UQCRB: variants seen among roughly 807,000 people sequenced by gnomAD.
The protein encoded by UQCRB is cytochrome b-c1 complex subunit 7.
A neutral mutation model predicts 19.8 loss-of-function variants in UQCRB; 12 were observed. The ratio of observed to expected loss-of-function variants is 0.61; its 90% CI spans 0.39 to 0.98. The LOEUF (loss-of-function observed/expected upper bound fraction) is 0.98. Ranked by LOEUF, UQCRB falls within the 50% of genes least tolerant of loss-of-function variation. UQCRB has a pLI of 0.00. For synonymous variants in UQCRB, 39 were observed against 42.9 expected, an observed-to-expected ratio of 0.91 and a Z score of 0.35; for missense variants, 142 against 131.8, an observed-to-expected ratio of 1.08 and a Z score of -0.38.
Position 96,225,067 on chromosome 8 carries a change from T to C in UQCRB, c.*5988A>G, listed in dbSNP as rs1809504263. Among the ~76,000 whole-genome samples the C allele has an allele frequency of 6.6e-6, 1 of 151,884 alleles. No individual in the cohort carries two copies. The highest frequency in any genetic ancestry group is 1.5e-5 in the Non-Finnish European group (1 of 67,972). On this transcript the variant is annotated 3_prime_UTR_variant, in exon 4 of 4. Coordinates refer to ENST00000287022, the MANE Select transcript of UQCRB (RefSeq NM_006294.5). ...CATATAAAGGTCTCATACAAATAGATAAGAACTGACCCAGGTTTGGGAAGG... is the reference window on the plus strand; with the variant it reads ...CATATAAAGGTCTCATACAAATAGACAAGAACTGACCCAGGTTTGGGAAGG...
chr8:96,228,419 T>C lies in UQCRB; in HGVS notation c.*2636A>G, dbSNP rs904099539. ...TCATGCAGATCCAGTTCCACTCTTC[T>C]CATCTCCAGCAGGTACTTCACTCAA... On this transcript the variant is annotated 3_prime_UTR_variant, in exon 4 of 4. Transcript: ENST00000287022. 3.7e-5 allele frequency: 17 copies of C among 453,932 alleles called. No homozygotes were observed. The highest frequency in any genetic ancestry group is 6.8e-4 in the Middle Eastern group (1 of 1,464). 28.1% of individuals were successfully genotyped at this position (453,932 alleles called of 1,614,324 possible).
Position 96,233,237 on chromosome 8 carries a change from G to C in UQCRB, c.20-10C>G. ...TTGCCTGATGCTGAAACTGATAATT[G>C]TCACACTGTTAATTGCTACAATTTA... On this transcript the variant is annotated splice_polypyrimidine_tract_variant and intron_variant, in intron 1 of 3. Transcript: ENST00000287022. 6.2e-7 allele frequency: 1 copy of C among 1,613,170 alleles called. No homozygotes were observed. Among genetic ancestry groups the C allele is most frequent in the Non-Finnish European group, 8.5e-7 (1 of 1,179,612 alleles).
chr8:96,225,392 A>T lies in UQCRB; in HGVS notation c.*5663T>A, dbSNP rs1809509818. ...AATTATTATAAACTTTTGAAAAGCA[A>T]ATTGGAAGTCCAGTATTGAAAAACT... On this transcript the variant is annotated 3_prime_UTR_variant, in exon 4 of 4. Transcript: ENST00000287022. 2.6e-5 allele frequency among the ~76,000 whole-genome samples: 4 copies of T among 152,224 alleles called. No homozygotes were observed. The highest frequency in any genetic ancestry group is 2.6e-4 in the Admixed American group (4 of 15,282).
Position 96,227,746 on chromosome 8 carries a change from C to A in UQCRB, c.*3309G>T, listed in dbSNP as rs1438649480. The A allele has an allele frequency of 2.2e-6, 1 of 453,650 alleles. No individual in the cohort carries two copies. The highest frequency in any genetic ancestry group is 2.4e-5 in the Admixed American group (1 of 42,496). 28.1% of individuals were successfully genotyped at this position (453,650 alleles called of 1,614,324 possible). On this transcript the variant is annotated 3_prime_UTR_variant, in exon 4 of 4. Coordinates refer to ENST00000287022, the MANE Select transcript of UQCRB (RefSeq NM_006294.5). ...TTTGGCCCAGTTTTTATTCTTACTG[C>A]TGAATCTTTTCATAAGTCAAAATTA...
chr8:96,233,956 CTGTT>C (rs934003681), intron 1 of UQCRB: 4 of 152,674 alleles, frequency 2.6e-5, no homozygotes, highest in African/African-American at 2.4e-5. Context: ...AATTTTAAAA[CTGTT>C]TGGGGAACAG....
At chr8:96,231,275 G>A in intron 3 of UQCRB, 143 bp from the exon 4 acceptor site, 1 of 1,568,562 alleles carries the variant, frequency 6.4e-7, no homozygotes, top group Non-Finnish European at 8.7e-7. Context: ...AGAACTATCT[G>A]CTTTTTAAAA....
chr8:96,231,199 C>A (rs1306500239), intron 3 of UQCRB, 67 bp from the exon 4 acceptor site: 1 of 1,613,638 alleles, frequency 6.2e-7, no homozygotes, highest in Admixed American at 1.7e-5. Flanking sequence ...CTCAACAGGT[C>A]TTCAATAACA....
At chr8:96,235,344 A>C in intron 1 of UQCRB, 168 bp downstream of exon 1, 1 of 1,010,556 alleles carries the variant, frequency 9.9e-7, no homozygotes, top group Non-Finnish European at 1.5e-6. Flanking sequence ...CGCCCTGGGG[A>C]CAGCAAACGA....
In UQCRB at chr8:96,226,069, A is replaced by G. The variant is rs1232321190; in HGVS notation, c.*4986T>C. On this transcript the variant is annotated 3_prime_UTR_variant, in exon 4 of 4. Transcript: ENST00000287022. ...GTAACACACAGAGGAGGCCCCCACAACAAAGAATTATCTAGCCCCAGATTT... is the reference window on the plus strand; with the variant it reads ...GTAACACACAGAGGAGGCCCCCACAGCAAAGAATTATCTAGCCCCAGATTT... 1.3e-5 allele frequency: 2 copies of G among 152,228 alleles called. No individual in the cohort carries two copies. Among genetic ancestry groups the G allele is most frequent in the Non-Finnish European group, 2.9e-5 (2 of 68,052 alleles). The allele number at this position is 152,228 out of a possible 1,614,324, so 9.4% of individuals were successfully genotyped here.
chr8:96,229,515 T>G lies in UQCRB; in HGVS notation c.*1540A>C. On this transcript the variant is annotated 3_prime_UTR_variant, in exon 4 of 4. Coordinates refer to ENST00000287022, the MANE Select transcript of UQCRB (RefSeq NM_006294.5). ...AGACCAGAGTCCTGCAAACGTGATC[T>G]TGAAATCACTATTAAAAGAGCCTTT... The G allele has an allele frequency of 2.2e-6, 1 of 454,130 alleles. No individual in the cohort carries two copies. The highest frequency in any genetic ancestry group is 1.6e-5 in the South Asian group (1 of 64,484). The allele number at this position is 454,130 out of a possible 1,614,324, so 28.1% of individuals were successfully genotyped here.
chr8:96,234,465 G>A (rs757092881), intron 1 of UQCRB: 1 of 1,286,910 alleles, frequency 7.8e-7, no homozygotes, highest in South Asian at 1.2e-5. Flanking sequence ...AATGGGAGTT[G>A]AGATCTGGTC....
Position 96,224,200 on chromosome 8 carries a change from C to T in UQCRB, c.*6855G>A, listed in dbSNP as rs778801530. On this transcript the variant is annotated 3_prime_UTR_variant, in exon 4 of 4. Coordinates refer to ENST00000287022, the MANE Select transcript of UQCRB (RefSeq NM_006294.5). Reference sequence around the variant, plus strand: ...GAATGTCCAATGAAGGGACAATTAACAAACGGCAGGCAAGGTCAAGGAGAA... The same window carrying T: ...GAATGTCCAATGAAGGGACAATTAATAAACGGCAGGCAAGGTCAAGGAGAA... Among the ~76,000 whole-genome samples the T allele has an allele frequency of 1.6e-4, 24 of 152,136 alleles. No homozygotes were observed. The highest frequency in any genetic ancestry group is 1.9e-4 in the Non-Finnish European group (13 of 68,022).
chr8:96,227,369 T>A lies in UQCRB; in HGVS notation c.*3686A>T, dbSNP rs1015579129. 2 of 454,126 alleles carry A rather than the reference T, an allele frequency of 4.4e-6. No individual in the cohort carries two copies. Among genetic ancestry groups the A allele is most frequent in the Admixed American group, 2.3e-5 (1 of 42,576 alleles). The allele number at this position is 454,126 out of a possible 1,614,324, so 28.1% of individuals were successfully genotyped here. ...CGCAGAATGGAGAAATCTTCCATAG[T>A]GCTCGTGTGATGTACACTAAGTTGT... On this transcript the variant is annotated 3_prime_UTR_variant, in exon 4 of 4. Transcript: ENST00000287022.
rs1809635634 is a variant in UQCRB, at chr8:96,230,337, A to G, written c.*718T>C. The G allele has an allele frequency of 7.1e-6, 3 of 419,920 alleles. No individual in the cohort carries two copies. The highest frequency in any genetic ancestry group is 5.2e-5 in the South Asian group (3 of 57,976). The allele number at this position is 419,920 out of a possible 1,614,324, so 26.0% of individuals were successfully genotyped here. ...GGTGACCCGCCCGCCTCGGCCTCCC[A>G]AAGTGCTGGGATTACAGGCATGAGC... On this transcript the variant is annotated 3_prime_UTR_variant, in exon 4 of 4. Coordinates refer to ENST00000287022, the MANE Select transcript of UQCRB (RefSeq NM_006294.5).
chr8:96,234,406 AG>A, intron 1 of UQCRB: 1 of 829,206 alleles, frequency 1.2e-6, no homozygotes, highest in Admixed American at 2.5e-5. Context: ...TTACTACAGA[AG>A]GGGAAGCTGG....
chr8:96,229,650 T>C lies in UQCRB; in HGVS notation c.*1405A>G, dbSNP rs754644822. The C allele has an allele frequency of 4.4e-6, 2 of 454,052 alleles. No individual in the cohort carries two copies. Among genetic ancestry groups the C allele is most frequent in the South Asian group, 3.1e-5 (2 of 64,478 alleles). 28.1% of individuals were successfully genotyped at this position (454,052 alleles called of 1,614,324 possible). A position where few individuals can be genotyped will look rare whatever the true frequency, so the allele number is the denominator to read the frequency against. ...TGCAAAGTAGGACTACATTAAAACCTTGTCACAATGTGACCTGAGCAAAAC... is the reference window on the plus strand; with the variant it reads ...TGCAAAGTAGGACTACATTAAAACCCTGTCACAATGTGACCTGAGCAAAAC... On this transcript the variant is annotated 3_prime_UTR_variant, in exon 4 of 4. Coordinates refer to ENST00000287022, the MANE Select transcript of UQCRB (RefSeq NM_006294.5).
At position 96,228,139 on chromosome 8, in the gene UQCRB, T is replaced by C. The variant is rs1289031987; in HGVS notation, c.*2916A>G. 1 of 453,978 alleles carries C rather than the reference T, an allele frequency of 2.2e-6. No individual in the cohort carries two copies. The highest frequency in any genetic ancestry group is 2.0e-5 in the African/African-American group (1 of 49,984). The allele number at this position is 453,978 out of a possible 1,614,324, so 28.1% of individuals were successfully genotyped here. A position where few individuals can be genotyped will look rare whatever the true frequency, so the allele number is the denominator to read the frequency against. On this transcript the variant is annotated 3_prime_UTR_variant, in exon 4 of 4. Coordinates refer to ENST00000287022, the MANE Select transcript of UQCRB (RefSeq NM_006294.5). ...AGTGAACATAAGCCAGCCATCTGTT[T>C]TTTTGCAAAGTATAGTAAAACAAAC...
At position 96,226,732 on chromosome 8, in the gene UQCRB, C is replaced by A; in HGVS notation, c.*4323G>T. On this transcript the variant is annotated 3_prime_UTR_variant, in exon 4 of 4. Transcript: ENST00000287022. ...TTAAAATTACATTTTTACATTTATG[C>A]AAAAATAGGCACATGTATTCAAACA... is the stretch of plus-strand genomic sequence containing the variant. 2 of 367,440 alleles carry A rather than the reference C, an allele frequency of 5.4e-6. No individual in the cohort carries two copies. Among genetic ancestry groups the A allele is most frequent in the South Asian group, 2.1e-5 (1 of 48,512 alleles). The allele number at this position is 367,440 out of a possible 1,614,324, so 22.8% of individuals were successfully genotyped here. A position where few individuals can be genotyped will look rare whatever the true frequency, so the allele number is the denominator to read the frequency against.
rs1809569784 is a variant in UQCRB, at chr8:96,228,198, CAT to C, written c.*2855_*2856del. On this transcript the variant is annotated 3_prime_UTR_variant, in exon 4 of 4. Transcript: ENST00000287022. ...CATAGACCACTTCAGAGTAAACAAACATAACTTTCTTCAAGATGTAGGAAAAC... is the reference window on the plus strand; with the variant it reads ...CATAGACCACTTCAGAGTAAACAAACAACTTTCTTCAAGATGTAGGAAAAC... 4.4e-6 allele frequency: 2 copies of C among 453,984 alleles called. No homozygotes were observed. Among genetic ancestry groups the C allele is most frequent in the Non-Finnish European group, 8.8e-6 (2 of 226,794 alleles). The allele number at this position is 453,984 out of a possible 1,614,324, so 28.1% of individuals were successfully genotyped here.
Sources: gnomAD v4.1 joint callset for allele counts (sites outside exome capture counted in the v4.1 genomes callset) on GRCh38, gnomAD v4.1.1 for gene constraint, MANE v1.5 for transcripts, NCBI Gene and HGNC (gene_info 2026-07-23, HGNC 2026-07-21) for gene names.